The following STOX2 variants were observed in gnomAD, a reference collection of about 807,000 sequenced individuals.
The protein encoded by STOX2 is storkhead box 2, also known as storkhead-box protein 2.
STOX2 carries 28 observed loss-of-function variants against 60.9 expected under a neutral mutation model. The observed-to-expected ratio is 0.46, with a 90% CI of 0.34 to 0.63. STOX2 has a LOEUF of 0.63. Ranked by LOEUF, STOX2 falls within the 30% of genes least tolerant of loss-of-function variation. STOX2 has a pLI of 0.01. For synonymous variants in STOX2, 472 were observed against 463.9 expected, an observed-to-expected ratio of 1.02 and a Z score of -0.22; for missense variants, 1,024 against 1,187.7, an observed-to-expected ratio of 0.86 and a Z score of 2.03.
At position 183,905,800 on chromosome 4, in the gene STOX2, C is replaced by G. The variant is rs187553132; in HGVS notation, c.-991C>G. 3,924 of 152,352 alleles carry G rather than the reference C, an allele frequency of 0.026. 86 individuals are homozygous for G. Among genetic ancestry groups the G allele is most frequent in the Admixed American group, 0.057 (879 of 15,308 alleles). The allele number at this position is 152,352 out of a possible 1,614,324, so 9.4% of individuals were successfully genotyped here. ...GTCCTGCTTCCTGCCCTTCAATAGC[C>G]GTTCCGCGCGCTCGCGCCGGAGCAG... On this transcript the variant is annotated 5_prime_UTR_variant, in exon 1 of 4. Transcript: ENST00000308497.
At chr4:183,915,744 A>G (rs1242884074) in intron 1 of STOX2, among the ~76,000 whole-genome samples, 4 of 152,206 alleles carry the variant, frequency 2.6e-5, no homozygotes, top group Non-Finnish European at 1.5e-5. Flanking sequence ...AAACGAGGGA[A>G]GGCCCAGGAC....
Position 183,951,109 on chromosome 4 carries a change from G to A in STOX2, c.166+44153G>A, listed in dbSNP as rs536876926. 9.9e-5 allele frequency among the ~76,000 whole-genome samples: 15 copies of A among 151,314 alleles called. No individual in the cohort carries two copies. The East Asian group carries it at 1.8e-3, about 18-fold the overall frequency. On this transcript the variant is annotated intron_variant, in intron 1 of 3. Coordinates refer to ENST00000308497, the MANE Select transcript of STOX2 (RefSeq NM_020225.3). ...CGGGCGCCTGTAGTCCCAGCTACTC[G>A]GGAGGCTGAGGCAGGAGAATGGGTG...
intron 1 of STOX2, among the ~76,000 whole-genome samples, chr4:183,971,074 A>G (rs1482867711): frequency 6.6e-6 from 1 of 152,186 alleles, no homozygotes; most frequent in East Asian, 1.9e-4. Context: ...TCAAGATGTA[A>G]TATCTGAGGG....
chr4:183,872,782 T>C (rs1740724941), intron 1 of STOX2, among the ~76,000 whole-genome samples: 1 of 152,098 alleles, frequency 6.6e-6, no homozygotes, highest in Admixed American at 6.5e-5. Flanking sequence ...GCCATCTGCT[T>C]ATTATTTTTT....
chr4:183,859,945 C>A (rs754592999), intron 1 of STOX2, among the ~76,000 whole-genome samples: 1 of 151,890 alleles, frequency 6.6e-6, no homozygotes, highest in Non-Finnish European at 1.5e-5. Context: ...TAGATATTTA[C>A]TGACAGAATT....
At chr4:183,804,176 T>C (rs1442186622) in intron 1 of STOX2, among the ~76,000 whole-genome samples, 1 of 152,214 alleles carries the variant, frequency 6.6e-6, no homozygotes, top group Non-Finnish European at 1.5e-5. Context: ...GGTATCATTA[T>C]TTTATCCATA....
chr4:183,948,540 C>CTTTTTT (rs10687778), intron 1 of STOX2, among the ~76,000 whole-genome samples: 10,808 of 78,086 alleles, frequency 0.14, 1,550 homozygotes, highest in Non-Finnish European at 0.19. Context: ...ATGCCTTATC[C>CTTTTTT]TTTTTTTTTT....
intron 1 of STOX2, among the ~76,000 whole-genome samples, chr4:183,849,769 C>T (rs576483269): frequency 3.3e-5 from 5 of 152,066 alleles, no homozygotes; most frequent in Non-Finnish European, 5.9e-5. Flanking sequence ...GTTGGGAGTT[C>T]GGCACATCGT....
intron 2 of STOX2, among the ~76,000 whole-genome samples, chr4:184,008,311 C>A (rs1303944003): frequency 6.6e-6 from 1 of 152,192 alleles, no homozygotes; most frequent in Non-Finnish European, 1.5e-5. Flanking sequence ...GTAGACGAGG[C>A]ATAAACATGC....
At chr4:183,929,510 C>T (rs563255194) in intron 1 of STOX2, among the ~76,000 whole-genome samples, 21 of 152,064 alleles carry the variant, frequency 1.4e-4, no homozygotes, top group Non-Finnish European at 2.4e-4. Context: ...TAACAATAAC[C>T]GATTGATTAT....
At position 183,834,991 on chromosome 4, in the gene STOX2, CAGA is replaced by C. The variant is rs1053237894; in HGVS notation, c.364+36940_364+36942del. 3.5e-4 allele frequency among the ~76,000 whole-genome samples: 53 copies of C among 152,210 alleles called. No individual in the cohort carries two copies. In the Middle Eastern group the frequency reaches 0.01, roughly 30 times the overall value. On this transcript the variant is annotated intron_variant, in intron 1 of 2. Coordinates refer to the STOX2 transcript ENST00000513034. ...GGGTGGATAGGAAGGATGCACAGAG[CAGA>C]AGATCTTTAGAGTTTGATGCAATAC... is the stretch of plus-strand genomic sequence containing the variant.
chr4:183,915,389 G>T (rs1265440217), intron 1 of STOX2, among the ~76,000 whole-genome samples: 2 of 151,748 alleles, frequency 1.3e-5, no homozygotes, highest in African/African-American at 4.8e-5. Context: ...AACGAAGGCC[G>T]CCAGAGTGAC....
At chr4:183,991,307 C>G (rs1294926505) in intron 1 of STOX2, among the ~76,000 whole-genome samples, 1 of 152,144 alleles carries the variant, frequency 6.6e-6, no homozygotes, top group East Asian at 1.9e-4. Flanking sequence ...GCACTCTTAG[C>G]CTTCCCAAAG....
intron 1 of STOX2, among the ~76,000 whole-genome samples, chr4:183,870,131 G>A (rs995860313): frequency 1.3e-5 from 2 of 152,190 alleles, no homozygotes; most frequent in East Asian, 1.9e-4. Context: ...ATATGCAGCT[G>A]TGATAGTCTC....
chr4:184,011,639 G>T lies in STOX2; in HGVS notation c.2585+216G>T. The T allele has an allele frequency of 4.0e-6, 6 of 1,505,032 alleles. No individual in the cohort carries two copies. Among genetic ancestry groups the T allele is most frequent in the Non-Finnish European group, 4.4e-6 (5 of 1,130,966 alleles). The allele number at this position is 1,505,032 out of a possible 1,614,324, so 93.2% of individuals were successfully genotyped here. A position where few individuals can be genotyped will look rare whatever the true frequency, so the allele number is the denominator to read the frequency against. On this transcript the variant is annotated intron_variant, in intron 3 of 3. Transcript: ENST00000308497. The surrounding 1 kb of genome is among the most constrained non-coding windows in gnomAD (Gnocchi z 4.4). ...TAGAGATCACCAATCTGGACTGGTG[G>T]GTTGGCTCCTCCCCTCAAACTTGCA...
upstream of STOX2, among the ~76,000 whole-genome samples, chr4:183,902,364 T>A (rs1741480955): frequency 6.6e-6 from 1 of 152,262 alleles, no homozygotes; most frequent in Non-Finnish European, 1.5e-5. Context: ...GTGTAATTAG[T>A]GTCTCTAATC....
upstream of STOX2, among the ~76,000 whole-genome samples, chr4:183,904,007 A>G (rs1209994880): frequency 6.6e-6 from 1 of 152,246 alleles, no homozygotes; most frequent in Admixed American, 6.5e-5. Context: ...TTTTCCTGCA[A>G]CTAGAGAGTC....
intron 1 of STOX2, among the ~76,000 whole-genome samples, chr4:183,872,052 C>T (rs934506888): frequency 8.6e-5 from 13 of 152,026 alleles, no homozygotes; most frequent in African/African-American, 2.9e-4. Context: ...AGCATGGCAT[C>T]GAGTGGAATC....
intron 1 of STOX2, among the ~76,000 whole-genome samples, chr4:183,822,359 G>A (rs1739321509): frequency 6.6e-6 from 1 of 152,198 alleles, no homozygotes; most frequent in South Asian, 2.1e-4. Flanking sequence ...GGATGGTTTT[G>A]GGATGACTCA....
Sources: allele counts gnomAD v4.1 joint callset (sites outside exome capture counted in the v4.1 genomes callset), GRCh38; gene constraint gnomAD v4.1.1; non-coding constraint Gnocchi (gnomAD v3.1); transcripts MANE v1.5; gene names NCBI Gene and HGNC (gene_info 2026-07-23, HGNC 2026-07-21).